GRIK4: variants seen among roughly 807,000 people sequenced by gnomAD.
GRIK4 encodes glutamate receptor ionotropic, kainate 4.
A neutral mutation model predicts 104.9 loss-of-function variants in GRIK4; 40 were observed. The ratio of observed to expected loss-of-function variants is 0.38; its 90% CI spans 0.30 to 0.50. The LOEUF is 0.50. GRIK4 is among the 20% of genes least tolerant of loss of function. The pLI is 0.93. For missense variants in GRIK4, 1,047 were observed against 1,308.1 expected (o/e 0.80, Z 3.08); for synonymous variants, 485 against 524.9 (o/e 0.92, Z 1.04).
chr11:120,675,844 G>C (rs550491698), intron 3 of GRIK4, among the ~76,000 whole-genome samples: 1 of 152,166 alleles, frequency 6.6e-6, no homozygotes. Flanking sequence ...AGTTATTATC[G>C]ATAGTTCTAC....
Position 120,622,052 on chromosome 11 carries a change from C to T in GRIK4, c.-158-31633C>T, listed in dbSNP as rs1949196275. On this transcript the variant is annotated intron_variant, in intron 1 of 20. Coordinates refer to ENST00000527524, the MANE Select transcript of GRIK4 (RefSeq NM_014619.5). ...AGTAGCTGTGACTACAGGCCCCCGC[C>T]ACCACACCCAGTTAATTTTTGTATT... Among the ~76,000 whole-genome samples, 4 of 152,106 alleles carry T rather than the reference C, an allele frequency of 2.6e-5. No individual in the cohort carries two copies. In the South Asian group the frequency reaches 8.3e-4, roughly 32 times the overall value.
chr11:120,977,369 G>A (rs575116818), intron 19 of GRIK4, among the ~76,000 whole-genome samples: 11 of 152,330 alleles, frequency 7.2e-5, no homozygotes, highest in East Asian at 5.8e-4. Context: ...TGTGAGTGCC[G>A]CGTGGGCCTT....
At position 120,956,858 on chromosome 11, in the gene GRIK4, G is replaced by A; in HGVS notation, c.1779G>A (p.Leu593=). ...RCNLLVNQYS[L]GNSLWFPVGG... is the part of the protein sequence containing the mutation. Reference sequence around the variant, plus strand: ...ACCTCCTGGTGAACCAGTACTCCCTGGGCAACAGCCTCTGGTTTCCGGTCG... The same window carrying A: ...ACCTCCTGGTGAACCAGTACTCCCTAGGCAACAGCCTCTGGTTTCCGGTCG... Residue 593 remains leucine, a synonymous_variant, in exon 16 of 21, where the codon CTG becomes CTA. Transcript: ENST00000527524. The surrounding 1 kb of genome is among the most constrained non-coding windows in gnomAD (Gnocchi z 4.6). 6.2e-7 allele frequency: 1 copy of A among 1,613,800 alleles called. No homozygotes were observed. Among genetic ancestry groups the A allele is most frequent in the East Asian group, 2.2e-5 (1 of 44,872 alleles).
chr11:120,620,818 G>T lies in GRIK4; in HGVS notation c.-158-32867G>T, dbSNP rs191398216. Among the ~76,000 whole-genome samples, 7 of 152,192 alleles carry T rather than the reference G, an allele frequency of 4.6e-5. No homozygotes were observed. In the East Asian group the frequency reaches 1.4e-3, roughly 29 times the overall value. On this transcript the variant is annotated intron_variant, in intron 1 of 20. Coordinates refer to ENST00000527524, the MANE Select transcript of GRIK4 (RefSeq NM_014619.5). ...TGACAACTATCAGACACTACTTATTGGGCATGCACGATGTGCCGGGCATTG... is the reference window on the plus strand; with the variant it reads ...TGACAACTATCAGACACTACTTATTTGGCATGCACGATGTGCCGGGCATTG...
chr11:120,533,645 A>G (rs1488803387), intron 1 of GRIK4, among the ~76,000 whole-genome samples: 2 of 152,220 alleles, frequency 1.3e-5, no homozygotes, highest in Non-Finnish European at 2.9e-5. Flanking sequence ...TGGGAGGCCA[A>G]GGTGAGTGGA....
chr11:120,753,499 T>C (rs564865954), intron 3 of GRIK4, among the ~76,000 whole-genome samples: 2 of 152,278 alleles, frequency 1.3e-5, no homozygotes, highest in Admixed American at 1.3e-4. Flanking sequence ...AAAATTGGGA[T>C]CATGCGTATC....
chr11:120,620,550 G>T (rs1378092749), intron 1 of GRIK4, among the ~76,000 whole-genome samples: 1 of 152,064 alleles, frequency 6.6e-6, no homozygotes, highest in Non-Finnish European at 1.5e-5. Flanking sequence ...GTTCAGGCTG[G>T]TCTCAAACTC....
At chr11:120,672,617 T>C (rs1950038764) in intron 3 of GRIK4, among the ~76,000 whole-genome samples, 1 of 152,222 alleles carries the variant, frequency 6.6e-6, no homozygotes, top group African/African-American at 2.4e-5. Flanking sequence ...AGCAGCAGTT[T>C]GTAGTTCTCC....
intron 1 of GRIK4, among the ~76,000 whole-genome samples, chr11:120,631,289 T>C (rs997562840): frequency 6.6e-6 from 1 of 152,214 alleles, no homozygotes; most frequent in Non-Finnish European, 1.5e-5. Context: ...CATTTATTAC[T>C]TGAGGATCTT....
chr11:120,777,770 T>C (rs1373700863), intron 3 of GRIK4, among the ~76,000 whole-genome samples: 2 of 151,884 alleles, frequency 1.3e-5, no homozygotes, highest in Non-Finnish European at 2.9e-5. Context: ...AACCCTGTCC[T>C]TACTAAAAAT....
intron 3 of GRIK4, among the ~76,000 whole-genome samples, chr11:120,801,069 A>G (rs1367349772): frequency 2.6e-5 from 4 of 152,198 alleles, no homozygotes; most frequent in Non-Finnish European, 4.4e-5. Flanking sequence ...CAAAAAGAAC[A>G]CCACACGCAT....
intron 1 of GRIK4, among the ~76,000 whole-genome samples, chr11:120,593,028 C>T (rs1328135138): frequency 3.3e-5 from 5 of 151,966 alleles, no homozygotes; most frequent in Admixed American, 2.6e-4. Context: ...ACTAAAAATA[C>T]AAAAAATCAG....
chr11:120,806,412 A>G (rs1952713699), intron 4 of GRIK4, among the ~76,000 whole-genome samples: 1 of 152,130 alleles, frequency 6.6e-6, no homozygotes, highest in African/African-American at 2.4e-5. Context: ...GCTGCTGCCC[A>G]ATGCCAAAGG....
intron 3 of GRIK4, among the ~76,000 whole-genome samples, chr11:120,677,697 A>AGTGGTGACT: frequency 6.6e-6 from 1 of 152,340 alleles, no homozygotes; most frequent in African/African-American, 2.4e-5. Context: ...GGAGTTAGGC[A>AGTGGTGACT]GTGGTGACTG....
intron 1 of GRIK4, among the ~76,000 whole-genome samples, chr11:120,563,288 G>C (rs919928454): frequency 1.3e-5 from 2 of 152,040 alleles, no homozygotes; most frequent in African/African-American, 4.8e-5. Context: ...CTTGGAAGGC[G>C]GCTGCCTAGC....
intron 3 of GRIK4, among the ~76,000 whole-genome samples, chr11:120,741,035 A>G (rs528337817): frequency 5.3e-5 from 8 of 152,028 alleles, no homozygotes; most frequent in African/African-American, 1.9e-4. Context: ...TGTGAGGGGC[A>G]AGTTTCTGGC....
At chr11:120,592,397 T>C (rs1184514051) in intron 1 of GRIK4, among the ~76,000 whole-genome samples, 11 of 152,172 alleles carry the variant, frequency 7.2e-5, no homozygotes, top group Non-Finnish European at 1.5e-5. Flanking sequence ...ATTGTACCTG[T>C]TTTTCTTTAA....
chr11:120,920,526 T>C (rs2134565464), intron 13 of GRIK4, among the ~76,000 whole-genome samples: 1 of 152,206 alleles, frequency 6.6e-6, no homozygotes, highest in Admixed American at 6.5e-5. Context: ...CAACACAGAG[T>C]GCACATGTGT....
At position 120,940,219 on chromosome 11, in the gene GRIK4, A is replaced by G. The variant is rs903895751; in HGVS notation, c.1477-128A>G. 1.9e-5 allele frequency: 12 copies of G among 626,592 alleles called. No individual in the cohort carries two copies. In the African/African-American group the frequency reaches 2.0e-4, roughly 11 times the overall value. 38.8% of individuals were successfully genotyped at this position (626,592 alleles called of 1,614,324 possible). On this transcript the variant is annotated intron_variant, in intron 13 of 20. Coordinates refer to ENST00000527524, the MANE Select transcript of GRIK4 (RefSeq NM_014619.5). This position sits in a 1 kb window ranked among gnomAD's most constrained non-coding sequence, Gnocchi z 4.3. The stretch of plus-strand genomic sequence containing the variant: ...AGATCTGTATGCAGTGTTGACTTAG[A>G]GCCACTCCTCAAGCAAGAAGCCAGA...
Sources: gnomAD v4.1 joint callset for allele counts (sites outside exome capture counted in the v4.1 genomes callset) on GRCh38, gnomAD v4.1.1 for gene constraint, Gnocchi (gnomAD v3.1) non-coding constraint, MANE v1.5 for transcripts, NCBI Gene and HGNC (gene_info 2026-07-23, HGNC 2026-07-21) for gene names.